RGS6: variants seen among roughly 807,000 people sequenced by gnomAD.
RGS6 encodes regulator of G-protein signaling 6.
RGS6 carries 30 observed loss-of-function variants against 78.5 expected under a neutral mutation model. That is an observed-to-expected ratio of 0.38 (90% CI 0.29 to 0.52). The LOEUF (loss-of-function observed/expected upper bound fraction) is 0.52. Among genes scored for constraint, RGS6 ranks in the 20% least tolerant of loss-of-function variants. RGS6 has a pLI of 0.85. For missense variants in RGS6, 495 were observed against 609.7 expected, an observed-to-expected ratio of 0.81 and a Z score of 1.98; for synonymous variants, 206 against 206.0, an observed-to-expected ratio of 1.00 and a Z score of 0.00.
chr14:72,110,756 T>G, intron 2 of RGS6, among the ~76,000 whole-genome samples: 1 of 152,100 alleles, frequency 6.6e-6, no homozygotes, highest in East Asian at 1.9e-4. Context: ...GGGAAAGAAG[T>G]TTTTGTCTGA....
intron 1 of RGS6, among the ~76,000 whole-genome samples, chr14:71,954,749 AGC>A (rs1368886624): frequency 6.6e-6 from 1 of 152,098 alleles, no homozygotes; most frequent in East Asian, 1.9e-4. Context: ...TTTGATTTTT[AGC>A]ATTTCCTTTT....
chr14:72,113,375 G>A (rs1002158398), intron 2 of RGS6, among the ~76,000 whole-genome samples: 29 of 152,270 alleles, frequency 1.9e-4, no homozygotes, highest in Middle Eastern at 3.4e-3. Flanking sequence ...CTGATGGAGT[G>A]CACTTTCTGC....
intron 2 of RGS6, among the ~76,000 whole-genome samples, chr14:72,242,013 C>T (rs549939469): frequency 2.7e-4 from 41 of 152,180 alleles, no homozygotes; most frequent in Admixed American, 7.9e-4. Flanking sequence ...TTTATCTCAA[C>T]GCTTCATTTT....
intron 2 of RGS6, among the ~76,000 whole-genome samples, chr14:71,966,393 T>C (rs367718480): frequency 2.1e-4 from 32 of 152,350 alleles, no homozygotes; most frequent in African/African-American, 7.5e-4. Flanking sequence ...ATCATGCTTA[T>C]TAAATTGCGA....
chr14:72,473,424 A>G (rs1304372916), intron 9 of RGS6, among the ~76,000 whole-genome samples: 1 of 152,236 alleles, frequency 6.6e-6, no homozygotes, highest in East Asian at 1.9e-4. Flanking sequence ...AGCCTCGGCA[A>G]CAGAGCGAGA....
chr14:72,314,497 A>C (rs2069535381), intron 2 of RGS6, among the ~76,000 whole-genome samples: 1 of 152,202 alleles, frequency 6.6e-6, no homozygotes, highest in South Asian at 2.1e-4. Flanking sequence ...TAGCTATAGA[A>C]ATGGCGGAGA....
At chr14:72,234,442 A>G (rs1169336284) in intron 2 of RGS6, among the ~76,000 whole-genome samples, 1 of 152,198 alleles carries the variant, frequency 6.6e-6, no homozygotes, top group Non-Finnish European at 1.5e-5. Flanking sequence ...TCTGTGAACC[A>G]GATACATATG....
At chr14:72,151,259 G>A (rs997500702) in intron 2 of RGS6, among the ~76,000 whole-genome samples, 10 of 152,290 alleles carry the variant, frequency 6.6e-5, no homozygotes, top group South Asian at 6.2e-4. Context: ...GCCTTCCTAC[G>A]ACAATAGGGG....
the RGS6 span, among the ~76,000 whole-genome samples, chr14:71,912,662 C>T: frequency 6.6e-6 from 1 of 152,132 alleles, no homozygotes; most frequent in East Asian, 1.9e-4. Context: ...TTGACCAACA[C>T]TCTCACCCCT....
chr14:72,118,675 G>T (rs909656825), intron 2 of RGS6, among the ~76,000 whole-genome samples: 1 of 152,182 alleles, frequency 6.6e-6, no homozygotes, highest in Non-Finnish European at 1.5e-5. Context: ...TCATCCTGAG[G>T]CATTCTTTGT....
intron 3 of RGS6, among the ~76,000 whole-genome samples, chr14:72,411,572 T>C (rs949773264): frequency 1.3e-5 from 2 of 152,206 alleles, no homozygotes; most frequent in African/African-American, 4.8e-5. Flanking sequence ...TTCTCCTGCC[T>C]GATTGCCCTG....
chr14:71,966,933 T>C (rs2093556012), intron 2 of RGS6, among the ~76,000 whole-genome samples: 1 of 152,026 alleles, frequency 6.6e-6, no homozygotes, highest in Non-Finnish European at 1.5e-5. Flanking sequence ...TGCAAATTCA[T>C]GGATTATTAA....
At chr14:71,883,653 C>T in the RGS6 span, among the ~76,000 whole-genome samples, 1,337 of 152,286 alleles carry the variant, frequency 8.8e-3, 14 homozygotes, top group Middle Eastern at 0.031. Context: ...TCACAAAGAC[C>T]TTGCTGATAA....
chr14:72,619,196 A>C, the RGS6 span: 4 of 1,171,964 alleles, frequency 3.4e-6, no homozygotes, highest in Non-Finnish European at 4.8e-6. Context: ...TTTTCCTTGC[A>C]GTTGGTCTGG....
the RGS6 span, among the ~76,000 whole-genome samples, chr14:71,915,193 G>T: frequency 6.6e-6 from 1 of 151,738 alleles, no homozygotes; most frequent in South Asian, 2.1e-4. Context: ...GGAGGCAGAG[G>T]TTGCAGTGAG....
intron 13 of RGS6, among the ~76,000 whole-genome samples, chr14:72,501,025 G>A (rs1294323600): frequency 6.6e-6 from 1 of 152,142 alleles, no homozygotes; most frequent in Non-Finnish European, 1.5e-5. Flanking sequence ...GGTTTGGTGG[G>A]TGTGGGTGAA....
chr14:72,005,425 A>G (rs1482112195), intron 2 of RGS6, among the ~76,000 whole-genome samples: 1 of 42,480 alleles, frequency 2.4e-5, no homozygotes, highest in Non-Finnish European at 5.0e-5. Context: ...TTCCAAGATT[A>G]CACACCTGCA....
chr14:72,479,271 T>G (rs1202199947), intron 12 of RGS6, among the ~76,000 whole-genome samples: 3 of 151,722 alleles, frequency 2.0e-5, no homozygotes, highest in Non-Finnish European at 2.9e-5. Context: ...AAACAAAGAG[T>G]CTGATTGAAT....
At chr14:71,984,298 T>TAAAAA (rs59180817) in intron 2 of RGS6, among the ~76,000 whole-genome samples, 7 of 119,996 alleles carry the variant, frequency 5.8e-5, no homozygotes, top group South Asian at 2.8e-4. Context: ...TGAATTATGT[T>TAAAAA]AAAAAAAAAA....
Sources: allele counts gnomAD v4.1 joint callset (sites outside exome capture counted in the v4.1 genomes callset), GRCh38; gene constraint gnomAD v4.1.1; transcripts MANE v1.5; gene names NCBI Gene and HGNC (gene_info 2026-07-23, HGNC 2026-07-21).